The following AFAP1 variants were observed in gnomAD, a reference collection of about 807,000 sequenced individuals.
The protein encoded by AFAP1 is actin filament-associated protein 1.
Under a neutral mutation model 93.9 loss-of-function variants are expected in AFAP1, and 75 were observed. That is an observed-to-expected ratio of 0.80 (90% CI 0.66 to 0.97). The LOEUF (loss-of-function observed/expected upper bound fraction) is 0.97, where lower values mean the gene tolerates loss of function less well. Ranked by LOEUF, AFAP1 falls within the 50% of genes least tolerant of loss-of-function variation. AFAP1 has a pLI of 0.00. For missense variants in AFAP1, 1,201 were observed against 1,050.8 expected (o/e 1.14, Z -1.98); for synonymous variants, 517 against 430.7 (o/e 1.20, Z -2.48).
rs190095827 is a variant in AFAP1, at chr4:7,895,071, C to T, written c.-2-22991G>A. On this transcript the variant is annotated intron_variant, in intron 1 of 17. Coordinates refer to ENST00000420658, the MANE Select transcript of AFAP1 (RefSeq NM_001134647.2). ...CATCGTTGGTCTCACACACCCGCTT[C>T]GCAGGGCTGGGGCTGCCACAGGGAA... Among the ~76,000 whole-genome samples the T allele has an allele frequency of 3.4e-3, 513 of 152,340 alleles. 4 individuals are homozygous for T. The highest frequency in any genetic ancestry group is 0.011 in the African/African-American group (444 of 41,572).
chr4:7,860,244 G>T (rs1715522118), intron 3 of AFAP1, among the ~76,000 whole-genome samples: 1 of 152,150 alleles, frequency 6.6e-6, no homozygotes, highest in African/African-American at 2.4e-5. Context: ...CTTGGGACCA[G>T]AAATGTTTCT....
At chr4:7,901,529 G>A (rs1243313566) in intron 1 of AFAP1, among the ~76,000 whole-genome samples, 4 of 152,196 alleles carry the variant, frequency 2.6e-5, no homozygotes, top group East Asian at 1.9e-4. Flanking sequence ...CACTCCTGTC[G>A]CCACAGTCTG....
chr4:7,768,034 C>G (rs34352176), intron 17 of AFAP1, among the ~76,000 whole-genome samples: 32,333 of 152,232 alleles, frequency 0.21, 4,486 homozygotes, highest in Non-Finnish European at 0.31. Flanking sequence ...TGTGATGGCA[C>G]CACTATACTC....
intron 1 of AFAP1, among the ~76,000 whole-genome samples, chr4:7,874,304 C>T (rs987166011): frequency 8.6e-5 from 13 of 150,924 alleles, no homozygotes; most frequent in African/African-American, 3.2e-4. Flanking sequence ...TCTGAAAAGG[C>T]TACTGAAAAA....
At chr4:7,800,400 G>T in intron 10 of AFAP1, 42 bp downstream of exon 10, 1 of 1,597,044 alleles carries the variant, frequency 6.3e-7, no homozygotes, top group Non-Finnish European at 8.6e-7. Context: ...AGATCACCGC[G>T]TGTGTCCCTC....
At chr4:7,912,306 G>C (rs1309357076) in intron 1 of AFAP1, among the ~76,000 whole-genome samples, 1 of 152,106 alleles carries the variant, frequency 6.6e-6, no homozygotes, top group African/African-American at 2.4e-5. Context: ...CATTTCTCTG[G>C]GATAACTGCC....
intron 3 of AFAP1, among the ~76,000 whole-genome samples, chr4:7,866,489 C>T (rs1348600184): frequency 1.3e-5 from 2 of 152,232 alleles, no homozygotes; most frequent in East Asian, 1.9e-4. Flanking sequence ...AGCCACCGCA[C>T]CTGGCCCCAG....
intron 10 of AFAP1, among the ~76,000 whole-genome samples, chr4:7,798,112 TTGG>T (rs1718623183): frequency 1.8e-5 from 2 of 111,612 alleles, no homozygotes; most frequent in Non-Finnish European, 4.0e-5. Flanking sequence ...TGCAACTCTA[TTGG>T]CTGGCTCACA....
chr4:7,894,979 C>T lies in AFAP1; in HGVS notation c.-2-22899G>A, dbSNP rs560285007. 4.5e-4 allele frequency among the ~76,000 whole-genome samples: 69 copies of T among 152,298 alleles called. No homozygotes were observed. In the East Asian group the frequency reaches 9.7e-3, roughly 21 times the overall value. On this transcript the variant is annotated intron_variant, in intron 1 of 17. Coordinates refer to ENST00000420658, the MANE Select transcript of AFAP1 (RefSeq NM_001134647.2). ...CCGCCGCTATGCATGTGGGTACAGA[C>T]GGAGGGGCAGGTGGCACCAGGCTCT... is the stretch of plus-strand genomic sequence containing the variant.
At chr4:7,932,751 G>A (rs1721147433) in intron 1 of AFAP1, among the ~76,000 whole-genome samples, 1 of 152,182 alleles carries the variant, frequency 6.6e-6, no homozygotes, top group African/African-American at 2.4e-5. Context: ...CTTCATGGCA[G>A]TGGCTCACGC....
intron 3 of AFAP1, among the ~76,000 whole-genome samples, chr4:7,864,141 A>ACCTTCCCAACTTCCCATCACAACC (rs1716109024): frequency 1.2e-4 from 4 of 34,596 alleles, no homozygotes; most frequent in Admixed American, 3.3e-4. Context: ...CCATCACAAC[A>ACCTTCCCAACTTCCCATCACAACC]CATTCCCAAC....
chr4:7,866,635 A>T (rs112466453), intron 3 of AFAP1, among the ~76,000 whole-genome samples: 1 of 152,254 alleles, frequency 6.6e-6, no homozygotes, highest in African/African-American at 2.4e-5. Context: ...AAAATAAGCC[A>T]GAAGAGGAAG....
At chr4:7,774,447 G>A in intron 15 of AFAP1, 1 of 391,216 alleles carries the variant, frequency 2.6e-6, no homozygotes, top group Non-Finnish European at 4.6e-6. Context: ...GACAATCTCT[G>A]TTGTCAGCGC....
chr4:7,796,742 C>T (rs895208374), intron 10 of AFAP1, among the ~76,000 whole-genome samples: 18 of 122,506 alleles, frequency 1.5e-4, no homozygotes, highest in African/African-American at 4.9e-4. Flanking sequence ...CAGAGTGAGA[C>T]TTGTCTCAAA....
intron 6 of AFAP1, among the ~76,000 whole-genome samples, chr4:7,837,916 A>G (rs1283031112): frequency 1.3e-5 from 2 of 152,154 alleles, no homozygotes; most frequent in African/African-American, 2.4e-5. Context: ...TGGGAGGCTG[A>G]GGTGGGAGGA....
chr4:7,799,537 C>T (rs534155248), intron 10 of AFAP1, among the ~76,000 whole-genome samples: 4 of 152,310 alleles, frequency 2.6e-5, no homozygotes, highest in South Asian at 2.1e-4. Flanking sequence ...ACCGGCCACC[C>T]AGCACGCCTC....
Position 7,829,927 on chromosome 4 carries a change from A to G in AFAP1, c.726+8597T>C, listed in dbSNP as rs565531061. ...TGAGATAAGCATAAGGTTATCTAAT[A>G]CAGAATTGTCTGTAATATCAAAAGA... On this transcript the variant is annotated intron_variant, in intron 6 of 17. Transcript: ENST00000420658. 3.9e-5 allele frequency among the ~76,000 whole-genome samples: 6 copies of G among 152,366 alleles called. No homozygotes were observed. In the South Asian group the frequency reaches 8.3e-4, roughly 21 times the overall value.
At chr4:7,824,424 TACACACAC>T (rs10660353) in intron 6 of AFAP1, among the ~76,000 whole-genome samples, 3,719 of 150,594 alleles carry the variant, frequency 0.025, 146 homozygotes, top group African/African-American at 0.076. Context: ...AGCATTTGTG[TACACACAC>T]ACACACACAC....
In AFAP1 at chr4:7,834,127, A is replaced by G. The variant is rs1235833620; in HGVS notation, c.726+4397T>C. ...CACACACACACACACACACACACAC[A>G]CATATATACAATGGAATACTACTCA... On this transcript the variant is annotated intron_variant, in intron 6 of 17. Transcript: ENST00000420658. 2.1e-5 allele frequency among the ~76,000 whole-genome samples: 3 copies of G among 142,050 alleles called. No individual in the cohort carries two copies. The East Asian group carries it at 5.8e-4, about 27-fold the overall frequency. The allele number at this position is 142,050 out of a possible 152,430, so 93.2% of individuals were successfully genotyped here.
Sources: gnomAD v4.1 joint callset for allele counts (sites outside exome capture counted in the v4.1 genomes callset) on GRCh38, gnomAD v4.1.1 for gene constraint, MANE v1.5 for transcripts, NCBI Gene and HGNC (gene_info 2026-07-23, HGNC 2026-07-21) for gene names.